RBFOX1: variants seen among roughly 807,000 people sequenced by gnomAD.
The protein encoded by RBFOX1 is RNA binding fox-1 homolog 1, also known as RNA binding protein fox-1 homolog 1.
A neutral mutation model predicts 57.7 loss-of-function variants in RBFOX1; 8 were observed. That is an observed-to-expected ratio of 0.14 (90% confidence interval 0.08 to 0.25). The LOEUF (loss-of-function observed/expected upper bound fraction) is 0.25, where lower values mean the gene tolerates loss of function less well. Among genes scored for constraint, RBFOX1 ranks in the 10% least tolerant of loss-of-function variants. The pLI, the probability that RBFOX1 is intolerant of heterozygous loss-of-function variation, is 1.00. For synonymous variants in RBFOX1, 326 were observed against 222.4 expected, an observed-to-expected ratio of 1.47 and a Z score of -4.15; for missense variants, 611 against 548.5, an observed-to-expected ratio of 1.11 and a Z score of -1.14.
intron 3 of RBFOX1, among the ~76,000 whole-genome samples, chr16:6,819,705 C>CAAAAAAAAAAAAAAAA (rs1181614275): frequency 4.8e-5 from 1 of 20,634 alleles, no homozygotes; most frequent in East Asian, 1.6e-3. Flanking sequence ...AACTCTGACT[C>CAAAAAAAAAAAAAAAA]AAAAAAAAAA....
intron 1 of RBFOX1, among the ~76,000 whole-genome samples, chr16:5,304,260 G>C (rs1355327769): frequency 6.6e-6 from 1 of 152,096 alleles, no homozygotes; most frequent in African/African-American, 2.4e-5. Context: ...CTTAAGTTTT[G>C]GGAGGATTTA....
intron 1 of RBFOX1, among the ~76,000 whole-genome samples, chr16:6,171,732 G>T (rs1342375670): frequency 6.6e-6 from 1 of 152,178 alleles, no homozygotes; most frequent in East Asian, 1.9e-4. Flanking sequence ...CAGAAAAGCG[G>T]CATACATCTT....
At chr16:5,248,490 C>G (rs1452563728) in intron 1 of RBFOX1, among the ~76,000 whole-genome samples, 1 of 152,178 alleles carries the variant, frequency 6.6e-6, no homozygotes, top group African/African-American at 2.4e-5. Context: ...GGGCAGGTCA[C>G]CCACAGCCTA....
At chr16:7,092,039 A>T (rs1470266309) in intron 4 of RBFOX1, among the ~76,000 whole-genome samples, 1 of 152,238 alleles carries the variant, frequency 6.6e-6, no homozygotes, top group Non-Finnish European at 1.5e-5. Flanking sequence ...AAAAAAATAA[A>T]TAGCACCACC....
intron 4 of RBFOX1, among the ~76,000 whole-genome samples, chr16:5,905,331 G>A (rs1373048737): frequency 6.6e-6 from 1 of 151,926 alleles, no homozygotes; most frequent in African/African-American, 2.4e-5. Flanking sequence ...AGGATTCCAG[G>A]CATGAGCTGC....
At chr16:5,327,342 A>G (rs922661643) in intron 1 of RBFOX1, among the ~76,000 whole-genome samples, 2 of 152,166 alleles carry the variant, frequency 1.3e-5, no homozygotes, top group Non-Finnish European at 2.9e-5. Flanking sequence ...GTAGCCCACA[A>G]ACTTCCCTGG....
chr16:6,022,679 G>T (rs1185168772), intron 1 of RBFOX1, among the ~76,000 whole-genome samples: 2 of 152,088 alleles, frequency 1.3e-5, no homozygotes, highest in African/African-American at 4.8e-5. Flanking sequence ...ATGAGACCCT[G>T]CCTCAAAAAC....
intron 2 of RBFOX1, among the ~76,000 whole-genome samples, chr16:5,490,235 C>A (rs2060919454): frequency 1.3e-5 from 2 of 152,242 alleles, no homozygotes; most frequent in African/African-American, 4.8e-5. Context: ...AGGGCTACAA[C>A]TACCAGTTAC....
intron 2 of RBFOX1, among the ~76,000 whole-genome samples, chr16:6,608,276 A>T (rs2097976492): frequency 6.6e-6 from 1 of 152,190 alleles, no homozygotes; most frequent in South Asian, 2.1e-4. Flanking sequence ...TAAGTGAAAT[A>T]TTTCAAAGTA....
At chr16:6,509,397 C>T (rs932599779) in intron 2 of RBFOX1, among the ~76,000 whole-genome samples, 2 of 152,150 alleles carry the variant, frequency 1.3e-5, no homozygotes, top group Admixed American at 1.3e-4. Context: ...ATAGATGGAA[C>T]TGGAGGTCAT....
At chr16:7,191,162 C>T (rs1034818797) in intron 4 of RBFOX1, among the ~76,000 whole-genome samples, 1 of 152,148 alleles carries the variant, frequency 6.6e-6, no homozygotes, top group African/African-American at 2.4e-5. Flanking sequence ...TTAGTGCTCT[C>T]TTCCAAAGGA....
chr16:5,837,738 C>G (rs1443746321), intron 3 of RBFOX1, among the ~76,000 whole-genome samples: 1 of 152,046 alleles, frequency 6.6e-6, no homozygotes, highest in African/African-American at 2.4e-5. Flanking sequence ...ATATTGCAGA[C>G]CATCAGTAAT....
intron 4 of RBFOX1, among the ~76,000 whole-genome samples, chr16:7,432,324 A>T (rs1420278403): frequency 6.6e-6 from 1 of 152,224 alleles, no homozygotes; most frequent in Non-Finnish European, 1.5e-5. Flanking sequence ...AATAACTCCC[A>T]GAGAGAAGGG....
chr16:5,829,248 C>T (rs190079532), intron 3 of RBFOX1, among the ~76,000 whole-genome samples: 6 of 152,220 alleles, frequency 3.9e-5, no homozygotes, highest in East Asian at 1.9e-4. Context: ...GGCTGAAGGC[C>T]GCAGCCAGTC....
intron 1 of RBFOX1, among the ~76,000 whole-genome samples, chr16:5,462,414 C>T (rs1206044955): frequency 6.6e-5 from 10 of 151,924 alleles, no homozygotes; most frequent in South Asian, 6.2e-4. Flanking sequence ...GTGATCCACC[C>T]GCCTCGGCCT....
At chr16:6,112,170 A>G (rs1303651276) in intron 1 of RBFOX1, among the ~76,000 whole-genome samples, 1 of 152,194 alleles carries the variant, frequency 6.6e-6, no homozygotes, top group Non-Finnish European at 1.5e-5. Context: ...CTTCATTGTT[A>G]TGAAGAAGGT....
intron 2 of RBFOX1, among the ~76,000 whole-genome samples, chr16:6,578,482 A>G (rs1484473289): frequency 1.3e-5 from 2 of 152,084 alleles, no homozygotes; most frequent in Non-Finnish European, 2.9e-5. Context: ...AGAAATAAAT[A>G]AAAATCCATG....
At chr16:6,569,960 C>T (rs1197324801) in intron 2 of RBFOX1, among the ~76,000 whole-genome samples, 1 of 152,082 alleles carries the variant, frequency 6.6e-6, no homozygotes, top group Non-Finnish European at 1.5e-5. Context: ...TTTGGTGCAG[C>T]CTGCCGGTAA....
At chr16:6,354,963 C>T (rs2087026575) in intron 2 of RBFOX1, among the ~76,000 whole-genome samples, 1 of 152,042 alleles carries the variant, frequency 6.6e-6, no homozygotes, top group South Asian at 2.1e-4. Context: ...CCTAAAAAGC[C>T]ATAGGTAGTT....
Sources: allele counts gnomAD v4.1 joint callset (sites outside exome capture counted in the v4.1 genomes callset), GRCh38; gene constraint gnomAD v4.1.1; transcripts MANE v1.5; gene names NCBI Gene and HGNC (gene_info 2026-07-23, HGNC 2026-07-21).